The following DCDC1 variants were observed in gnomAD, a reference collection of about 807,000 sequenced individuals.
The protein encoded by DCDC1 is doublecortin domain-containing protein 1.
DCDC1 carries 200 observed loss-of-function variants against 178.3 expected under a neutral mutation model. The ratio of observed to expected loss-of-function variants is 1.12; its 90% confidence interval spans 1.00 to 1.26. The LOEUF (loss-of-function observed/expected upper bound fraction) is 1.26. DCDC1 is among the 50% of genes most tolerant of loss of function. The pLI, the probability that DCDC1 is intolerant of heterozygous loss-of-function variation, is 0.00. For missense variants in DCDC1, 1,983 were observed against 1,749.2 expected (o/e 1.13, Z -2.38); for synonymous variants, 690 against 604.8 (o/e 1.14, Z -2.07).
chr11:31,230,325 A>C (rs1196984456), intron 9 of DCDC1, among the ~76,000 whole-genome samples: 2 of 152,128 alleles, frequency 1.3e-5, no homozygotes, highest in Non-Finnish European at 2.9e-5. Flanking sequence ...TTTTTACAAT[A>C]AAAAATAGTC....
chr11:31,059,196 GC>G (rs1258204893), intron 20 of DCDC1, among the ~76,000 whole-genome samples: 1 of 151,984 alleles, frequency 6.6e-6, no homozygotes, highest in South Asian at 2.1e-4. Flanking sequence ...ATAGACATAA[GC>G]CTAATCTTTT....
intron 18 of DCDC1, among the ~76,000 whole-genome samples, chr11:31,069,609 A>G (rs1432433305): frequency 6.6e-6 from 1 of 152,218 alleles, no homozygotes; most frequent in Non-Finnish European, 1.5e-5. Context: ...CTAAAAAGCA[A>G]GACAAACAGT....
chr11:31,244,395 T>G (rs1410517962), intron 8 of DCDC1, among the ~76,000 whole-genome samples: 1 of 151,740 alleles, frequency 6.6e-6, no homozygotes, highest in Non-Finnish European at 1.5e-5. Flanking sequence ...TTATGTAGAG[T>G]TCTCTTTTTC....
chr11:30,940,463 A>G (rs1590448750), intron 21 of DCDC1, among the ~76,000 whole-genome samples: 1 of 152,118 alleles, frequency 6.6e-6, no homozygotes. Context: ...TTAATGGGCC[A>G]GGGAAATAGA....
At chr11:31,213,173 C>A (rs189175226) in intron 9 of DCDC1, among the ~76,000 whole-genome samples, 22 of 128,362 alleles carry the variant, frequency 1.7e-4, no homozygotes, top group Non-Finnish European at 6.3e-5. Context: ...GCTTTCTTTA[C>A]CAGGGCAGTG....
intron 6 of DCDC1, among the ~76,000 whole-genome samples, chr11:31,294,798 AAAAGAAAGAAAGAAAG>A (rs199955696): frequency 0.081 from 10,206 of 125,232 alleles, 466 homozygotes; most frequent in South Asian, 0.11. Context: ...AAAATAAAGA[AAAAGAAAGAAAGAAAG>A]AAAGAAAGAA....
At chr11:30,913,828 T>C (rs1244287587) in intron 27 of DCDC1, among the ~76,000 whole-genome samples, 1 of 152,214 alleles carries the variant, frequency 6.6e-6, no homozygotes, top group Non-Finnish European at 1.5e-5. Context: ...TCAAACTCAT[T>C]ATGCAATGGC....
chr11:31,220,580 ATTATG>A (rs1343685711), intron 9 of DCDC1, among the ~76,000 whole-genome samples: 2 of 152,210 alleles, frequency 1.3e-5, no homozygotes, highest in African/African-American at 4.8e-5. Context: ...AATCAGATGC[ATTATG>A]TTATATTTAC....
chr11:30,894,326 C>A lies in DCDC1; in HGVS notation c.4824G>T (p.Gln1608His). The part of the protein sequence containing the change: ...ATMVPTKSPV[Q>H]PVVVEGGWTE... ...TCCAGCCTCCTTCAACCACCACGGG[C>A]TGCACAGGGCTCTTGGTAGGAACCA... is the stretch of plus-strand genomic sequence containing the variant. The change falls in exon 35 of 39, where the codon CAG (glutamine) becomes CAT (histidine). Residue 1608 changes from glutamine (Q) to histidine (H), a missense_variant. By Grantham distance (24) the Gln-to-His change is conservative (BLOSUM62 0). Transcript: ENST00000684477. 1.9e-6 allele frequency: 3 copies of A among 1,613,926 alleles called. No homozygotes were observed. Among genetic ancestry groups the A allele is most frequent in the Non-Finnish European group, 2.5e-6 (3 of 1,179,830 alleles).
chr11:31,367,247 T>C (rs1454366042), intron 1 of DCDC1, among the ~76,000 whole-genome samples: 1 of 152,234 alleles, frequency 6.6e-6, no homozygotes, highest in Non-Finnish European at 1.5e-5. Flanking sequence ...TGCAGTGAGC[T>C]GAGATCATGC....
intron 13 of DCDC1, among the ~76,000 whole-genome samples, chr11:31,105,264 G>C (rs568678674): frequency 6.6e-6 from 1 of 151,732 alleles, no homozygotes; most frequent in Admixed American, 6.6e-5. Flanking sequence ...AAATTTCTCC[G>C]ACTACAATTC....
At position 30,884,588 on chromosome 11, in the gene DCDC1, G is replaced by A. The variant is rs1169182130; in HGVS notation, c.5083-3280C>T. On this transcript the variant is annotated intron_variant, in intron 36 of 38. Transcript: ENST00000684477. ...CAAAATAAATGTTAAAATATTAATA[G>A]TTTACCTGTTCACTGAAAATAGGCA... Among the ~76,000 whole-genome samples the A allele has an allele frequency of 6.6e-5, 10 of 152,092 alleles. No homozygotes were observed. The East Asian group carries it at 1.9e-3, about 29-fold the overall frequency.
intron 29 of DCDC1, among the ~76,000 whole-genome samples, chr11:30,907,067 C>T (rs1452248863): frequency 1.3e-5 from 2 of 152,044 alleles, no homozygotes; most frequent in Non-Finnish European, 2.9e-5. Context: ...TCATCATGTC[C>T]AAAAGACACA....
At chr11:31,153,785 A>AAAACACACACACACACAC (rs1965424453) in intron 9 of DCDC1, among the ~76,000 whole-genome samples, 1 of 132,612 alleles carries the variant, frequency 7.5e-6, no homozygotes, top group Non-Finnish European at 1.6e-5. Context: ...TCAGTCTTAA[A>AAAACACACACACACACAC]ACACACACAC....
intron 20 of DCDC1, among the ~76,000 whole-genome samples, chr11:31,041,194 G>A (rs992846303): frequency 1.3e-5 from 2 of 152,154 alleles, no homozygotes; most frequent in Non-Finnish European, 2.9e-5. Context: ...TTCAGGGAGG[G>A]CATTAACTTT....
intron 9 of DCDC1, among the ~76,000 whole-genome samples, chr11:31,138,063 T>C (rs1963371886): frequency 1.3e-5 from 2 of 151,802 alleles, no homozygotes; most frequent in Admixed American, 6.6e-5. Context: ...AGTACTTTTT[T>C]AAAGCACTTC....
At chr11:31,240,657 C>T (rs1469406069) in intron 9 of DCDC1, among the ~76,000 whole-genome samples, 1 of 151,958 alleles carries the variant, frequency 6.6e-6, no homozygotes, top group Non-Finnish European at 1.5e-5. Context: ...TGGAACCTCC[C>T]AGTTCAAAAT....
chr11:30,978,931 G>A (rs1950249277), intron 20 of DCDC1, among the ~76,000 whole-genome samples: 1 of 152,120 alleles, frequency 6.6e-6, no homozygotes, highest in East Asian at 1.9e-4. Flanking sequence ...CTGTCTTTCT[G>A]TGCCTGGTTT....
chr11:31,059,425 T>C (rs1222619066), intron 20 of DCDC1, among the ~76,000 whole-genome samples: 1 of 152,054 alleles, frequency 6.6e-6, no homozygotes, highest in Non-Finnish European at 1.5e-5. Flanking sequence ...AATTTCATGT[T>C]CTTAAATATA....
Sources: gnomAD v4.1 joint callset for allele counts (sites outside exome capture counted in the v4.1 genomes callset) on GRCh38, gnomAD v4.1.1 for gene constraint, MANE v1.5 for transcripts, NCBI Gene and HGNC (gene_info 2026-07-23, HGNC 2026-07-21) for gene names.